FHL2: variants seen among roughly 807,000 people sequenced by gnomAD.
FHL2 encodes the protein four and a half LIM domains protein 2.
FHL2 carries 20 observed loss-of-function variants against 32.7 expected under a neutral mutation model. That is an observed-to-expected ratio of 0.61 (90% CI 0.43 to 0.89). FHL2 has a LOEUF of 0.89. Among genes scored for constraint, FHL2 ranks in the 40% least tolerant of loss-of-function variants. The pLI is 0.00. For synonymous variants in FHL2, 123 were observed against 128.1 expected (o/e 0.96, Z 0.27); for missense variants, 311 against 358.6 (o/e 0.87, Z 1.07).
chr2:105,432,180 A>T (rs780149861), intron 1 of FHL2, among the ~76,000 whole-genome samples: 10 of 152,020 alleles, frequency 6.6e-5, no homozygotes, highest in Non-Finnish European at 1.3e-4. Context: ...TTCTCCCCTC[A>T]CTTGGATGAT....
chr2:105,386,553 A>C lies in FHL2; in HGVS notation c.-24-13T>G. 6.2e-7 allele frequency: 1 copy of C among 1,613,588 alleles called. No homozygotes were observed. The highest frequency in any genetic ancestry group is 1.3e-5 in the African/African-American group (1 of 75,004). On this transcript the variant is annotated splice_polypyrimidine_tract_variant and intron_variant, in intron 2 of 6. Transcript: ENST00000530340. The stretch of plus-strand genomic sequence containing the variant: ...GCTTTTCAGCAACCTATCAAAAAGA[A>C]AAGAAAATCCAAGTCCCATTAAGCA...
At chr2:105,396,949 T>C (rs1683171981) in intron 1 of FHL2, 1 of 450,162 alleles carries the variant, frequency 2.2e-6, no homozygotes, top group Admixed American at 3.9e-5. Context: ...CCTGAGTCAC[T>C]GAGGCTGAGT....
intron 1 of FHL2, among the ~76,000 whole-genome samples, chr2:105,413,481 C>A (rs1489984615): frequency 1.3e-5 from 2 of 149,128 alleles, no homozygotes. Context: ...AAAAAAAAAA[C>A]AGTTTACAAA....
intron 1 of FHL2, among the ~76,000 whole-genome samples, chr2:105,411,298 C>G (rs932863780): frequency 2.0e-5 from 3 of 152,004 alleles, no homozygotes; most frequent in African/African-American, 7.3e-5. Flanking sequence ...TAAAAAGTAA[C>G]TTTTTAAGAT....
intron 1 of FHL2, among the ~76,000 whole-genome samples, chr2:105,405,915 A>C (rs1683616420): frequency 6.6e-6 from 1 of 152,216 alleles, no homozygotes; most frequent in Admixed American, 6.5e-5. Flanking sequence ...TCCTTTAAAG[A>C]GTTATTTCAC....
chr2:105,400,283 T>C (rs540194082), upstream of FHL2, among the ~76,000 whole-genome samples: 109 of 152,274 alleles, frequency 7.2e-4, no homozygotes, highest in Non-Finnish European at 1.4e-3. Flanking sequence ...CAGAAATGCC[T>C]CTCATCCCTC....
At chr2:105,371,329 T>G (rs994332245) in intron 4 of FHL2, among the ~76,000 whole-genome samples, 2 of 152,138 alleles carry the variant, frequency 1.3e-5, no homozygotes, top group Admixed American at 6.6e-5. Context: ...GTAGTGGGCC[T>G]TAGGGGCAAA....
In FHL2 at chr2:105,373,718, C is replaced by G. The variant is rs139064045; in HGVS notation, c.172G>C (p.Asp58His). 2 of 1,613,870 alleles carry G rather than the reference C, an allele frequency of 1.2e-6. No homozygotes were observed. Among genetic ancestry groups the G allele is most frequent in the African/African-American group, 2.7e-5 (2 of 74,928 alleles). Residue 58 changes from aspartate (D) to histidine (H), a missense_variant, in exon 4 of 7, where the codon GAC (aspartate) becomes CAC (histidine). Physicochemically the swap from Asp to His is moderately conservative, Grantham distance 81. Transcript: ENST00000530340. Reference sequence around the variant, plus strand: ...AAACAGGCTTCATGCCAGTGCCGGTCCTTGTAAGACAAGTCCTGTGGGGCC... The same window carrying G: ...AAACAGGCTTCATGCCAGTGCCGGTGCTTGTAAGACAAGTCCTGTGGGGCC... Reference protein sequence around the residue: ...GCDCKDLSYKDRHWHEACFHC... With the variant: ...GCDCKDLSYKHRHWHEACFHC...
chr2:105,438,287 G>T, intron 1 of FHL2: 1 of 885,486 alleles, frequency 1.1e-6, no homozygotes, highest in Non-Finnish European at 1.4e-6. Flanking sequence ...CTTCCTCCCA[G>T]GGCTGGACAC....
intron 5 of FHL2, among the ~76,000 whole-genome samples, chr2:105,363,992 C>G (rs1468289938): frequency 6.6e-6 from 1 of 152,166 alleles, no homozygotes; most frequent in East Asian, 1.9e-4. Context: ...GCTGGTGGCT[C>G]ACACCTGTAA....
At chr2:105,427,788 G>T (rs1684308770) in intron 1 of FHL2, among the ~76,000 whole-genome samples, 1 of 152,124 alleles carries the variant, frequency 6.6e-6, no homozygotes, top group South Asian at 2.1e-4. Context: ...TGGGTGTGAG[G>T]CTTTGGGCTC....
chr2:105,373,822 A>G, intron 3 of FHL2, 89 bp from the exon 4 acceptor site: 1 of 1,366,604 alleles, frequency 7.3e-7, no homozygotes, highest in South Asian at 1.2e-5. Flanking sequence ...TCTGCAGGGC[A>G]AACAAGGAAA....
At chr2:105,410,927 G>A (rs1239301923) in intron 1 of FHL2, among the ~76,000 whole-genome samples, 1 of 152,202 alleles carries the variant, frequency 6.6e-6, no homozygotes, top group African/African-American at 2.4e-5. Flanking sequence ...TGCACATAGA[G>A]CCAACCTCAG....
chr2:105,407,661 C>T (rs1683677932), intron 1 of FHL2, among the ~76,000 whole-genome samples: 1 of 152,166 alleles, frequency 6.6e-6, no homozygotes, highest in Non-Finnish European at 1.5e-5. Flanking sequence ...GTTACAGCAT[C>T]CGCAGATACA....
downstream of FHL2, chr2:105,359,465 G>T (rs1241803205): frequency 6.6e-6 from 1 of 152,144 alleles, no homozygotes. Flanking sequence ...TTTCACATAT[G>T]CTCAGCATAT....
upstream of FHL2, among the ~76,000 whole-genome samples, chr2:105,403,031 C>T (rs1683522290): frequency 6.6e-6 from 1 of 152,204 alleles, no homozygotes; most frequent in Admixed American, 6.5e-5. Flanking sequence ...TTCCCTAACC[C>T]TCAGTTTGCT....
chr2:105,387,466 T>A (rs757013742), intron 2 of FHL2, among the ~76,000 whole-genome samples: 37 of 152,162 alleles, frequency 2.4e-4, no homozygotes, highest in Admixed American at 3.9e-4. Flanking sequence ...GGTAAGATCA[T>A]CCTGCAGCTG....
intron 1 of FHL2, among the ~76,000 whole-genome samples, chr2:105,398,217 C>T (rs1359828833): frequency 6.6e-6 from 1 of 152,172 alleles, no homozygotes; most frequent in African/African-American, 2.4e-5. Flanking sequence ...CATTTAAAAT[C>T]AGAAAAACAC....
intron 1 of FHL2, among the ~76,000 whole-genome samples, chr2:105,429,567 A>G (rs986892502): frequency 2.0e-4 from 30 of 152,188 alleles, no homozygotes; most frequent in African/African-American, 7.2e-4. Context: ...AGGTGGGGAA[A>G]CATTCCTTCT....
Sources: allele counts gnomAD v4.1 joint callset (sites outside exome capture counted in the v4.1 genomes callset), GRCh38; gene constraint gnomAD v4.1.1; transcripts MANE v1.5; gene names NCBI Gene and HGNC (gene_info 2026-07-23, HGNC 2026-07-21).